NEGR1: variants seen among roughly 807,000 people sequenced by gnomAD.
NEGR1 encodes the protein neuronal growth regulator 1, also known as IgLON family member 4.
Under a neutral mutation model 40.9 loss-of-function variants are expected in NEGR1, and 10 were observed. The ratio of observed to expected loss-of-function variants is 0.24; its 90% CI spans 0.15 to 0.42. NEGR1 has a LOEUF of 0.42. Among genes scored for constraint, NEGR1 ranks in the 10% least tolerant of loss-of-function variants. NEGR1 has a pLI of 1.00. For synonymous variants in NEGR1, 185 were observed against 166.8 expected (o/e 1.11, Z -0.84); for missense variants, 352 against 438.9 (o/e 0.80, Z 1.77).
In NEGR1 at chr1:71,824,127, T is replaced by C. The variant is rs112459714; in HGVS notation, c.410-47830A>G. ...ATCCTGTTTGTTTCCAGAGGATACA[T>C]TGTGGTACACAGAAAAAAAAATTGG... On this transcript the variant is annotated intron_variant, in intron 2 of 6. Coordinates refer to ENST00000357731, the MANE Select transcript of NEGR1 (RefSeq NM_173808.3). Among the ~76,000 whole-genome samples, 485 of 152,056 alleles carry C rather than the reference T, an allele frequency of 3.2e-3. 3 individuals carry two copies. The highest frequency in any genetic ancestry group is 0.011 in the African/African-American group (468 of 41,536).
chr1:71,839,198 CTTTTTTTTTTTTT>C (rs140520810), intron 2 of NEGR1, among the ~76,000 whole-genome samples: 1 of 80,030 alleles, frequency 1.2e-5, no homozygotes, highest in East Asian at 3.8e-4. Flanking sequence ...AGAGACCAGA[CTTTTTTTTTTTTT>C]TTTTTTTTTT....
rs1475341609 is a variant in NEGR1 at position 71,688,325 on chromosome 1, T to TATATATATATATATAG, written c.667+9682_667+9683insCTATATATATATATAT. 2.8e-3 allele frequency among the ~76,000 whole-genome samples: 290 copies of TATATATATATATATAG among 103,172 alleles called. 9 individuals are homozygous for TATATATATATATATAG. Among genetic ancestry groups the TATATATATATATATAG allele is most frequent in the South Asian group, 5.1e-3 (16 of 3,112 alleles). 67.7% of individuals were successfully genotyped at this position (103,172 alleles called of 152,430 possible). On this transcript the variant is annotated intron_variant, in intron 4 of 6. Coordinates refer to ENST00000357731, the MANE Select transcript of NEGR1 (RefSeq NM_173808.3). ...TTCCCTTTTCATATATATATATATA[T>TATATATATATATATAG]ATAGATAGATAGATAGATAGATAGA... is the stretch of plus-strand genomic sequence containing the variant.
intron 2 of NEGR1, among the ~76,000 whole-genome samples, chr1:71,822,953 G>T (rs983641409): frequency 6.6e-6 from 1 of 152,026 alleles, no homozygotes; most frequent in East Asian, 1.9e-4. Context: ...GCAGGCAATA[G>T]TCTGAGAGGA....
intron 4 of NEGR1, among the ~76,000 whole-genome samples, chr1:71,627,856 T>C (rs1336058201): frequency 3.3e-5 from 5 of 152,204 alleles, no homozygotes; most frequent in Non-Finnish European, 7.4e-5. Context: ...CTGTCTAAAA[T>C]GAATTGTGGA....
rs534927695 is a variant in NEGR1, at chr1:72,144,562, G to A, written c.176+137757C>T. ...ATGATTAGAGAGACATATATTTTACGTGTGAAGAAGCAAAACAACATTGTA... is the reference window on the plus strand; with the variant it reads ...ATGATTAGAGAGACATATATTTTACATGTGAAGAAGCAAAACAACATTGTA... On this transcript the variant is annotated intron_variant, in intron 1 of 6. Coordinates refer to ENST00000357731, the MANE Select transcript of NEGR1 (RefSeq NM_173808.3). 1.3e-5 allele frequency among the ~76,000 whole-genome samples: 2 copies of A among 152,012 alleles called. 1 individual carries two copies. The highest frequency in any genetic ancestry group is 4.2e-4 in the South Asian group (2 of 4,818).
intron 6 of NEGR1, among the ~76,000 whole-genome samples, chr1:71,507,321 A>G (rs976345180): frequency 1.3e-5 from 2 of 152,208 alleles, no homozygotes; most frequent in Non-Finnish European, 2.9e-5. Flanking sequence ...GGGTCAAACT[A>G]AAGATGGGAA....
chr1:71,950,525 T>G, intron 1 of NEGR1, among the ~76,000 whole-genome samples: 1 of 152,044 alleles, frequency 6.6e-6, no homozygotes, highest in East Asian at 1.9e-4. Flanking sequence ...AAAGAACTCC[T>G]TACTGCTTTC....
At chr1:71,805,041 G>T (rs745778204) in intron 2 of NEGR1, among the ~76,000 whole-genome samples, 22 of 152,152 alleles carry the variant, frequency 1.4e-4, no homozygotes, top group Non-Finnish European at 1.8e-4. Flanking sequence ...GTCTTTTACA[G>T]TCGCAGCTGT....
chr1:71,932,988 CA>C (rs1265839221), intron 2 of NEGR1, among the ~76,000 whole-genome samples: 1 of 152,098 alleles, frequency 6.6e-6, no homozygotes, highest in African/African-American at 2.4e-5. Context: ...ACATGTCAAT[CA>C]ACTTCTAATA....
intron 1 of NEGR1, among the ~76,000 whole-genome samples, chr1:71,947,775 T>TA (rs879569675): frequency 4.4e-4 from 53 of 120,790 alleles, no homozygotes; most frequent in South Asian, 2.8e-3. Context: ...GTTGGTCACT[T>TA]AAAAAAAAAA....
chr1:71,833,100 T>A (rs182643589), intron 2 of NEGR1, among the ~76,000 whole-genome samples: 106 of 152,160 alleles, frequency 7.0e-4, no homozygotes, highest in African/African-American at 2.3e-3. Context: ...ATTCAACCAA[T>A]AAGGAAAAAT....
chr1:71,440,321 G>A (rs1363685000), intron 6 of NEGR1, among the ~76,000 whole-genome samples: 1 of 152,084 alleles, frequency 6.6e-6, no homozygotes, highest in Non-Finnish European at 1.5e-5. Flanking sequence ...ACTTGTCCAG[G>A]TATAATCTGC....
chr1:71,646,303 C>T (rs1233792341), intron 4 of NEGR1, among the ~76,000 whole-genome samples: 1 of 151,486 alleles, frequency 6.6e-6, no homozygotes, highest in African/African-American at 2.4e-5. Flanking sequence ...CTTTGATCTC[C>T]TAAGGAATAG....
intron 4 of NEGR1, among the ~76,000 whole-genome samples, chr1:71,666,514 A>T (rs1340091626): frequency 6.6e-6 from 1 of 152,194 alleles, no homozygotes; most frequent in Non-Finnish European, 1.5e-5. Context: ...CAATTGAGGT[A>T]TAGAATAGGC....
chr1:71,875,656 C>T (rs903293306), intron 2 of NEGR1, among the ~76,000 whole-genome samples: 2 of 152,170 alleles, frequency 1.3e-5, no homozygotes, highest in African/African-American at 4.8e-5. Context: ...GTGCAGCAAA[C>T]AACCTGAACA....
At chr1:72,124,170 G>C (rs898133791) in intron 1 of NEGR1, among the ~76,000 whole-genome samples, 14 of 151,996 alleles carry the variant, frequency 9.2e-5, no homozygotes, top group Non-Finnish European at 2.9e-5. Context: ...AAGAAAATAA[G>C]AGTATTTCCA....
chr1:71,767,405 C>A (rs1369731026), intron 3 of NEGR1, among the ~76,000 whole-genome samples: 4 of 152,100 alleles, frequency 2.6e-5, no homozygotes, highest in Non-Finnish European at 5.9e-5. Context: ...ATCTGTGGAA[C>A]TTTTAACTTG....
chr1:71,901,002 C>T (rs1661129419), intron 2 of NEGR1, among the ~76,000 whole-genome samples: 1 of 152,106 alleles, frequency 6.6e-6, no homozygotes, highest in Admixed American at 6.5e-5. Flanking sequence ...AATCTTCATG[C>T]AATATATAAG....
At chr1:71,678,214 T>C (rs566815780) in intron 4 of NEGR1, among the ~76,000 whole-genome samples, 9 of 152,268 alleles carry the variant, frequency 5.9e-5, no homozygotes, top group Non-Finnish European at 1.2e-4. Flanking sequence ...TGTTTGTGTC[T>C]AGTTCAAGGT....
Sources: allele counts gnomAD v4.1 joint callset (sites outside exome capture counted in the v4.1 genomes callset), GRCh38; gene constraint gnomAD v4.1.1; transcripts MANE v1.5; gene names NCBI Gene and HGNC (gene_info 2026-07-23, HGNC 2026-07-21).